The following CNTNAP2 variants were observed in gnomAD, a reference collection of about 807,000 sequenced individuals.
CNTNAP2 encodes contactin associated protein 2.
A neutral mutation model predicts 155.2 loss-of-function variants in CNTNAP2; 98 were observed. That is an observed-to-expected ratio of 0.63 (90% CI 0.54 to 0.75). The LOEUF is 0.75. Among genes scored for constraint, CNTNAP2 ranks in the 30% least tolerant of loss-of-function variants. The pLI, the probability that CNTNAP2 is intolerant of heterozygous loss-of-function variation, is 0.00. For missense variants in CNTNAP2, 1,727 were observed against 1,688.1 expected (o/e 1.02, Z -0.40); for synonymous variants, 651 against 631.2 (o/e 1.03, Z -0.47).
intron 16 of CNTNAP2, among the ~76,000 whole-genome samples, chr7:148,125,029 T>C (rs1434975800): frequency 2.6e-5 from 4 of 152,036 alleles, no homozygotes. Flanking sequence ...TGTTAGAGTG[T>C]GAAGTATGAC....
intron 3 of CNTNAP2, among the ~76,000 whole-genome samples, chr7:146,885,673 A>G (rs1432715193): frequency 6.6e-6 from 1 of 152,112 alleles, no homozygotes; most frequent in Admixed American, 6.6e-5. Flanking sequence ...TTTGCAAGGA[A>G]AGCAATTAGT....
intron 10 of CNTNAP2, among the ~76,000 whole-genome samples, chr7:147,413,421 C>G (rs1476805126): frequency 6.6e-6 from 1 of 152,070 alleles, no homozygotes; most frequent in Non-Finnish European, 1.5e-5. Context: ...GCGGTTGATA[C>G]AGATCAGTAA....
At chr7:147,305,223 G>C (rs1795006793) in intron 9 of CNTNAP2, among the ~76,000 whole-genome samples, 1 of 152,010 alleles carries the variant, frequency 6.6e-6, no homozygotes, top group Non-Finnish European at 1.5e-5. Flanking sequence ...AAACCAGTTG[G>C]GGTTTTTGCT....
intron 16 of CNTNAP2, among the ~76,000 whole-genome samples, chr7:148,131,753 GA>G (rs1185907430): frequency 2.6e-5 from 4 of 152,054 alleles, no homozygotes; most frequent in Non-Finnish European, 4.4e-5. Context: ...AGTGCTTCAA[GA>G]AAAGAGTTAA....
intron 13 of CNTNAP2, among the ~76,000 whole-genome samples, chr7:147,801,689 A>G (rs186448791): frequency 0.033 from 4,956 of 152,316 alleles, 137 homozygotes; most frequent in Non-Finnish European, 0.051. Context: ...TTATCTTAGT[A>G]CAGAACAAAA....
chr7:147,397,294 G>A (rs536865544), intron 10 of CNTNAP2, among the ~76,000 whole-genome samples: 8 of 152,066 alleles, frequency 5.3e-5, no homozygotes, highest in African/African-American at 1.9e-4. Context: ...CCTAGAGCAA[G>A]TAGCAGCAAT....
rs77549597 is a variant in CNTNAP2 at position 148,289,820 on chromosome 7, A to G, written c.3475+22694A>G. ...CAAGGCTGTTGGGGGAGGCAGCAAC[A>G]GAGACCAGACGTTCCCTCTGCACAC... On this transcript the variant is annotated intron_variant, in intron 21 of 23. Transcript: ENST00000361727. 9.3e-3 allele frequency among the ~76,000 whole-genome samples: 1,413 copies of G among 152,346 alleles called. 15 individuals are homozygous for G. Among genetic ancestry groups the G allele is most frequent in the Non-Finnish European group, 0.015 (1,045 of 68,032 alleles).
chr7:146,452,395 T>C (rs1796497537), intron 1 of CNTNAP2, among the ~76,000 whole-genome samples: 1 of 152,200 alleles, frequency 6.6e-6, no homozygotes, highest in Non-Finnish European at 1.5e-5. Flanking sequence ...CAATAAATAT[T>C]TGATTGAATC....
chr7:147,116,279 T>A (rs1021449932), intron 5 of CNTNAP2, among the ~76,000 whole-genome samples: 1 of 152,006 alleles, frequency 6.6e-6, no homozygotes, highest in African/African-American at 2.4e-5. Context: ...TGTTGGGAGG[T>A]CTCATTCAGT....
intron 15 of CNTNAP2, chr7:148,044,739 C>T (rs534811806): frequency 2.1e-4 from 32 of 152,360 alleles, no homozygotes; most frequent in Admixed American, 1.0e-3. Flanking sequence ...TTACAAATTA[C>T]CCAGTCTAAG....
chr7:148,074,987 G>A (rs1478939928), intron 15 of CNTNAP2, among the ~76,000 whole-genome samples: 1 of 152,150 alleles, frequency 6.6e-6, no homozygotes, highest in Non-Finnish European at 1.5e-5. Context: ...ATCAAAGAAA[G>A]TTTTTCTAAA....
intron 20 of CNTNAP2, among the ~76,000 whole-genome samples, chr7:148,257,992 T>G (rs919683668): frequency 6.6e-6 from 1 of 152,176 alleles, no homozygotes; most frequent in South Asian, 2.1e-4. Flanking sequence ...GCTCAGCCAG[T>G]GCTGACCCAT....
intron 15 of CNTNAP2, among the ~76,000 whole-genome samples, chr7:148,105,211 A>C (rs567047306): frequency 1.3e-5 from 2 of 152,356 alleles, no homozygotes; most frequent in Admixed American, 1.3e-4. Flanking sequence ...TACGTCAGAA[A>C]GACTGTCTGG....
intron 13 of CNTNAP2, among the ~76,000 whole-genome samples, chr7:147,800,524 G>A (rs937509882): frequency 2.6e-5 from 4 of 151,402 alleles, no homozygotes; most frequent in East Asian, 3.9e-4. Flanking sequence ...TGAAGGACAC[G>A]CCTCATTTGG....
chr7:147,976,972 C>T (rs1008964930), intron 14 of CNTNAP2, among the ~76,000 whole-genome samples: 11 of 152,110 alleles, frequency 7.2e-5, no homozygotes, highest in Non-Finnish European at 5.9e-5. Context: ...TTGTGCCTCC[C>T]ACCCATTCAC....
At chr7:146,795,671 T>A (rs1421828428) in intron 2 of CNTNAP2, among the ~76,000 whole-genome samples, 3 of 152,220 alleles carry the variant, frequency 2.0e-5, no homozygotes, top group Non-Finnish European at 2.9e-5. Context: ...TACCCTTATG[T>A]TCAGGCAAGA....
At chr7:147,425,868 G>T (rs965768663) in intron 10 of CNTNAP2, among the ~76,000 whole-genome samples, 1 of 152,064 alleles carries the variant, frequency 6.6e-6, no homozygotes, top group African/African-American at 2.4e-5. Flanking sequence ...AGCTTCTGAT[G>T]CATACTTCAT....
chr7:148,223,289 A>T (rs1795785454), intron 19 of CNTNAP2, among the ~76,000 whole-genome samples: 2 of 152,138 alleles, frequency 1.3e-5, no homozygotes, highest in African/African-American at 4.8e-5. Flanking sequence ...TTTGTTTGGC[A>T]TTTAATGTAC....
At chr7:146,737,129 G>A (rs190118369) in intron 1 of CNTNAP2, among the ~76,000 whole-genome samples, 199 of 151,952 alleles carry the variant, frequency 1.3e-3, no homozygotes, top group Admixed American at 2.3e-3. Context: ...CAGTTACTTT[G>A]GAACTCAGTT....
Sources: gnomAD v4.1 joint callset for allele counts (sites outside exome capture counted in the v4.1 genomes callset) on GRCh38, gnomAD v4.1.1 for gene constraint, MANE v1.5 for transcripts, NCBI Gene and HGNC (gene_info 2026-07-23, HGNC 2026-07-21) for gene names.